ZFYVE26: variants seen among roughly 807,000 people sequenced by gnomAD.
The protein encoded by ZFYVE26 is zinc finger FYVE domain-containing protein 26.
In ZFYVE26, 181 loss-of-function variants were observed where a neutral mutation model predicts 276.5. The ratio of observed to expected loss-of-function variants is 0.65; its 90% CI spans 0.58 to 0.74. The LOEUF (loss-of-function observed/expected upper bound fraction) is 0.74, where lower values mean the gene tolerates loss of function less well. Among genes scored for constraint, ZFYVE26 ranks in the 30% least tolerant of loss-of-function variants. The pLI, the probability that ZFYVE26 is intolerant of heterozygous loss-of-function variation, is 0.00. For synonymous variants in ZFYVE26, 1,129 were observed against 1,203.1 expected, an observed-to-expected ratio of 0.94 and a Z score of 1.27; for missense variants, 2,821 against 3,097.9, an observed-to-expected ratio of 0.91 and a Z score of 2.12.
chr14:67,778,024 T>C, intron 24 of ZFYVE26, 102 bp downstream of exon 24: 2 of 1,521,182 alleles, frequency 1.3e-6, no homozygotes, highest in South Asian at 1.1e-5. Flanking sequence ...AGAAGAGGCA[T>C]AGCTGAGATT....
intron 13 of ZFYVE26, among the ~76,000 whole-genome samples, chr14:67,739,649 C>T (rs1482577248): frequency 1.3e-5 from 2 of 152,094 alleles, no homozygotes. Context: ...TTTTCTCCAC[C>T]CCCAAGTTCT....
intron 15 of ZFYVE26, 90 bp downstream of exon 15, chr14:67,790,482 C>T: frequency 7.2e-7 from 1 of 1,391,272 alleles, no homozygotes; most frequent in Non-Finnish European, 1.0e-6. Flanking sequence ...TGCTCACCCT[C>T]ATGAGGAGCC....
chr14:67,768,535 G>T lies in ZFYVE26; in HGVS notation c.5635C>A (p.Pro1879Thr). The change falls in exon 30 of 42, where the codon CCT becomes ACT. Residue 1879 changes from proline (P) to threonine (T), a missense_variant. Transcript: ENST00000347230. Reference sequence around the variant, plus strand: ...GCCTTACCTTCTGGTTTTTCTGAAGGCTCCTCTGGTACACTGAAAACAGAG... The same window carrying T: ...GCCTTACCTTCTGGTTTTTCTGAAGTCTCCTCTGGTACACTGAAAACAGAG... The part of the protein sequence containing the change: ...SYCNKDVPEE[P>T]SEKPEALDSS... The T allele has an allele frequency of 1.9e-6, 3 of 1,614,104 alleles. No individual in the cohort carries two copies. The Admixed American group carries it at 5.0e-5, about 27-fold the overall frequency.
At chr14:67,782,556 C>T (rs937889733) in intron 21 of ZFYVE26, among the ~76,000 whole-genome samples, 4 of 152,232 alleles carry the variant, frequency 2.6e-5, no homozygotes, top group East Asian at 1.9e-4. Context: ...ACTGGTTATG[C>T]GTGGCTGTTT....
intron 12 of ZFYVE26, chr14:67,797,442 T>C (rs1351253144): frequency 1.2e-5 from 7 of 582,728 alleles, no homozygotes; most frequent in South Asian, 8.0e-5. Context: ...TCTCAATATA[T>C]AGTATAATGC....
chr14:67,745,627 T>C (rs1000863187), downstream of ZFYVE26, among the ~76,000 whole-genome samples: 2 of 152,226 alleles, frequency 1.3e-5, no homozygotes. Context: ...AAGTTTGAGT[T>C]CTGCTTGCCC....
intron 14 of ZFYVE26, among the ~76,000 whole-genome samples, chr14:67,792,293 C>A (rs1368190282): frequency 6.6e-6 from 1 of 152,030 alleles, no homozygotes; most frequent in Non-Finnish European, 1.5e-5. Flanking sequence ...TACTTTACTA[C>A]CAGTAAAAGT....
intron 6 of ZFYVE26, among the ~76,000 whole-genome samples, chr14:67,806,288 C>A (rs904485343): frequency 6.6e-6 from 1 of 152,204 alleles, no homozygotes; most frequent in African/African-American, 2.4e-5. Context: ...TTCTTGCATC[C>A]TCCAGAAAGC....
chr14:67,741,240 G>C (rs564996803), intron 13 of ZFYVE26, among the ~76,000 whole-genome samples: 16 of 152,196 alleles, frequency 1.1e-4, no homozygotes, highest in Non-Finnish European at 1.8e-4. Context: ...TTAATCATGA[G>C]AGTAAATGTT....
chr14:67,769,470 T>C (rs1426714784), intron 29 of ZFYVE26, 124 bp downstream of exon 29: 9 of 1,424,000 alleles, frequency 6.3e-6, no homozygotes, highest in Non-Finnish European at 8.7e-6. Flanking sequence ...TAATGGCATT[T>C]CAGTGTGAAT....
At chr14:67,731,804 T>C (rs2038279962) in intron 13 of ZFYVE26, among the ~76,000 whole-genome samples, 1 of 152,050 alleles carries the variant, frequency 6.6e-6, no homozygotes, top group Non-Finnish European at 1.5e-5. Flanking sequence ...GGATGATTTT[T>C]ATCTTTTTAT....
chr14:67,807,262 G>A lies in ZFYVE26; in HGVS notation c.886+136C>T, dbSNP rs1441072941. ...GCCAGGCCTGTACTTTTACGAAAGA[G>A]CATCGCACCCATTTTTGCTTAGCCT... On this transcript the variant is annotated intron_variant, in intron 5 of 41. Coordinates refer to ENST00000347230, the MANE Select transcript of ZFYVE26 (RefSeq NM_015346.4). The A allele has an allele frequency of 2.6e-6, 3 of 1,142,824 alleles. No individual in the cohort carries two copies. In the East Asian group the frequency reaches 7.3e-5, roughly 28 times the overall value. The allele number at this position is 1,142,824 out of a possible 1,614,324, so 70.8% of individuals were successfully genotyped here.
chr14:67,798,926 T>A, intron 10 of ZFYVE26: 1 of 1,054,446 alleles, frequency 9.5e-7, no homozygotes, highest in Non-Finnish European at 1.4e-6. Flanking sequence ...GAGCTCCGCT[T>A]GGCGCCTCTG....
At chr14:67,753,396 C>G (rs1445860252) in intron 39 of ZFYVE26, among the ~76,000 whole-genome samples, 1 of 152,244 alleles carries the variant, frequency 6.6e-6, no homozygotes, top group Non-Finnish European at 1.5e-5. Flanking sequence ...GGCCACCCCT[C>G]CAGCCATATT....
chr14:67,805,409 C>A, intron 7 of ZFYVE26, 45 bp downstream of exon 7: 6 of 1,613,970 alleles, frequency 3.7e-6, no homozygotes, highest in Non-Finnish European at 5.1e-6. Context: ...CGAAGCCCCA[C>A]GTCTCTCACT....
chr14:67,815,770 C>G lies in ZFYVE26; in HGVS notation c.194G>C (p.Arg65Thr), dbSNP rs1480845733. The change falls in exon 2 of 42, where the codon AGA becomes ACA. Residue 65 changes from arginine to threonine, a missense_variant and splice_region_variant. Coordinates refer to ENST00000347230, the MANE Select transcript of ZFYVE26 (RefSeq NM_015346.4). ...QALVVCPNLL[R>T]CGQDINPQRV... ...TCTGGTAGGAAAAGAGATCCCTTAC[C>G]TCAGCAGATTTGGACACACCACCAA... 2 of 1,612,936 alleles carry G rather than the reference C, an allele frequency of 1.2e-6. No individual in the cohort carries two copies. The highest frequency in any genetic ancestry group is 4.5e-5 in the East Asian group (2 of 44,880).
In ZFYVE26 at chr14:67,790,677, C is replaced by A. The variant is rs1436848908; in HGVS notation, c.2650G>T (p.Glu884Ter). ...QEVIQELAQV[E>*]HKIENQNSDA... ...GAGTTCTGGTTTTCAATCTTGTGCT[C>A]TACTTGGGCCAGTTCTTGGATCACT... Residue 884 changes from glutamate to a stop codon, truncating the protein, a stop_gained, in exon 15 of 42, where the codon GAG (glutamate) becomes TAG (stop). Coordinates refer to ENST00000347230, the MANE Select transcript of ZFYVE26 (RefSeq NM_015346.4). LOFTEE classifies it high-confidence loss of function. The A allele has an allele frequency of 6.2e-7, 1 of 1,614,086 alleles. No homozygotes were observed. The highest frequency in any genetic ancestry group is 8.5e-7 in the Non-Finnish European group (1 of 1,180,050).
intron 15 of ZFYVE26, 108 bp from the exon 16 acceptor site, chr14:67,789,706 G>A (rs1287646620): frequency 4.2e-6 from 6 of 1,428,040 alleles, no homozygotes; most frequent in Non-Finnish European, 5.8e-6. Flanking sequence ...CATCTGCACA[G>A]GGTATCTTTC....
At chr14:67,768,487 A>G (rs2140202377) in intron 30 of ZFYVE26, 30 bp downstream of exon 30, 1 of 1,612,394 alleles carries the variant, frequency 6.2e-7, no homozygotes, top group South Asian at 1.1e-5. Context: ...ACACAAATGA[A>G]GAGTCACAGA....
Sources: gnomAD v4.1 joint callset for allele counts (sites outside exome capture counted in the v4.1 genomes callset) on GRCh38, gnomAD v4.1.1 for gene constraint, MANE v1.5 for transcripts, NCBI Gene and HGNC (gene_info 2026-07-23, HGNC 2026-07-21) for gene names.